Variants in OPCML observed in about 807,000 individuals in gnomAD.
OPCML encodes the protein opioid binding protein/cell adhesion molecule like.
OPCML carries 13 observed loss-of-function variants against 37.8 expected under a neutral mutation model. That is an observed-to-expected ratio of 0.34 (90% CI 0.22 to 0.55). The LOEUF is 0.55. OPCML is among the 20% of genes least tolerant of loss of function. OPCML has a pLI of 0.91. For missense variants in OPCML, 341 were observed against 435.6 expected (o/e 0.78, Z 1.93); for synonymous variants, 176 against 168.8 (o/e 1.04, Z -0.33).
intron 1 of OPCML, among the ~76,000 whole-genome samples, chr11:133,138,125 T>A (rs761555861): frequency 9.2e-5 from 14 of 152,204 alleles, no homozygotes; most frequent in African/African-American, 1.7e-4. Flanking sequence ...GTTCTCACTC[T>A]CATGGGACTG....
chr11:132,697,758 C>G (rs1253289076), intron 2 of OPCML, among the ~76,000 whole-genome samples: 1 of 151,836 alleles, frequency 6.6e-6, no homozygotes, highest in African/African-American at 2.4e-5. Flanking sequence ...CTTCACAATA[C>G]TGATTTCATT....
intron 1 of OPCML, among the ~76,000 whole-genome samples, chr11:133,375,937 T>G (rs971883941): frequency 2.0e-5 from 3 of 152,164 alleles, no homozygotes; most frequent in African/African-American, 7.2e-5. Context: ...GTATCTTAAT[T>G]CAAAGTTTGA....
chr11:133,479,528 C>T (rs1230103758), intron 1 of OPCML, among the ~76,000 whole-genome samples: 4 of 152,214 alleles, frequency 2.6e-5, no homozygotes, highest in African/African-American at 7.2e-5. Flanking sequence ...CAAGAGCCCT[C>T]GCAGAACAGA....
intron 1 of OPCML, among the ~76,000 whole-genome samples, chr11:133,381,105 C>T (rs745654049): frequency 5.3e-5 from 8 of 152,188 alleles, no homozygotes; most frequent in African/African-American, 9.7e-5. Flanking sequence ...TGACAGGCTC[C>T]GCATGAAGAG....
At chr11:133,458,187 TAC>T (rs1464919338) in intron 1 of OPCML, among the ~76,000 whole-genome samples, 1 of 140,708 alleles carries the variant, frequency 7.1e-6, no homozygotes, top group Non-Finnish European at 1.5e-5. Context: ...TGTGTATATA[TAC>T]ACATATATAC....
At chr11:132,692,232 G>GA (rs5795797) in intron 2 of OPCML, among the ~76,000 whole-genome samples, 3,425 of 148,112 alleles carry the variant, frequency 0.023, 82 homozygotes, top group South Asian at 0.058. Context: ...GATGCTACAG[G>GA]AAAAAAAAAA....
intron 1 of OPCML, among the ~76,000 whole-genome samples, chr11:133,083,134 G>A (rs1948763883): frequency 1.4e-5 from 2 of 147,924 alleles, no homozygotes; most frequent in African/African-American, 2.5e-5. Context: ...CACACACCAC[G>A]CACACACACG....
chr11:132,503,828 T>C (rs556053548), intron 4 of OPCML, among the ~76,000 whole-genome samples: 30 of 152,268 alleles, frequency 2.0e-4, no homozygotes, highest in African/African-American at 7.2e-4. Flanking sequence ...AAAATCATCT[T>C]TATTTAAAAT....
intron 4 of OPCML, among the ~76,000 whole-genome samples, chr11:132,474,858 A>G (rs2096149949): frequency 6.6e-6 from 1 of 152,180 alleles, no homozygotes; most frequent in Non-Finnish European, 1.5e-5. Flanking sequence ...ACGCCTAGTC[A>G]TACCTGGCAC....
rs534375126 is a variant in OPCML, at chr11:133,206,172, A to G, written c.62-263162T>C. On this transcript the variant is annotated intron_variant, in intron 1 of 7. Coordinates refer to ENST00000524381, the MANE Select transcript of OPCML (RefSeq NM_001012393.5). The surrounding 1 kb of genome is among the most constrained non-coding windows in gnomAD (Gnocchi z 4.7). ...CAAGGTTTCAAAAAGACAATGCACA[A>G]AAAACTGCTTCCCATGGTGCCTAAA... is the stretch of plus-strand genomic sequence containing the variant. Among the ~76,000 whole-genome samples, 1 of 152,334 alleles carries G rather than the reference A, an allele frequency of 6.6e-6. No individual in the cohort carries two copies. The highest frequency in any genetic ancestry group is 2.4e-5 in the African/African-American group (1 of 41,582).
intron 1 of OPCML, among the ~76,000 whole-genome samples, chr11:133,529,258 C>T (rs1338510890): frequency 6.6e-6 from 1 of 152,236 alleles, no homozygotes; most frequent in African/African-American, 2.4e-5. Context: ...CACATTTTAA[C>T]CTGCCTCTCT....
chr11:132,873,347 G>A (rs771508427), intron 2 of OPCML, among the ~76,000 whole-genome samples: 3 of 152,166 alleles, frequency 2.0e-5, no homozygotes, highest in Non-Finnish European at 4.4e-5. Context: ...TAGGTGATAC[G>A]CTTTCCTTCA....
chr11:132,879,215 G>T (rs897936668), intron 2 of OPCML, among the ~76,000 whole-genome samples: 21 of 152,242 alleles, frequency 1.4e-4, no homozygotes, highest in Admixed American at 1.4e-3. Context: ...CTATATGGCA[G>T]CCATTCTAGG....
At chr11:133,168,417 A>C (rs1950243580) in intron 1 of OPCML, among the ~76,000 whole-genome samples, 1 of 152,228 alleles carries the variant, frequency 6.6e-6, no homozygotes, top group Non-Finnish European at 1.5e-5. Flanking sequence ...CTAGATGGTC[A>C]GAAAGAGCCA....
intron 1 of OPCML, among the ~76,000 whole-genome samples, chr11:132,972,100 T>C (rs750755688): frequency 6.6e-6 from 1 of 152,078 alleles, no homozygotes; most frequent in Non-Finnish European, 1.5e-5. Flanking sequence ...CAGGCAGACA[T>C]AGAGTGGCTT....
chr11:133,200,691 G>T (rs1000693072), intron 1 of OPCML, among the ~76,000 whole-genome samples: 1 of 152,026 alleles, frequency 6.6e-6, no homozygotes, highest in Admixed American at 6.6e-5. Context: ...TTTTTTCCAC[G>T]TAACAATATG....
intron 2 of OPCML, among the ~76,000 whole-genome samples, chr11:132,696,988 A>G (rs913110116): frequency 3.3e-5 from 5 of 152,258 alleles, no homozygotes; most frequent in African/African-American, 1.2e-4. Flanking sequence ...CTTCTAAACA[A>G]AAATAAATAT....
intron 2 of OPCML, among the ~76,000 whole-genome samples, chr11:132,698,006 A>G: frequency 6.9e-6 from 1 of 145,330 alleles, no homozygotes; most frequent in South Asian, 2.2e-4. Flanking sequence ...TTATTTATTT[A>G]TTTATTTATT....
chr11:133,477,724 CAAGA>C (rs971998753), intron 1 of OPCML, among the ~76,000 whole-genome samples: 72 of 152,266 alleles, frequency 4.7e-4, no homozygotes, highest in African/African-American at 1.6e-3. Flanking sequence ...GAAGATCCTT[CAAGA>C]GAGAGGAAGG....
Sources: gnomAD v4.1 joint callset for allele counts (sites outside exome capture counted in the v4.1 genomes callset) on GRCh38, gnomAD v4.1.1 for gene constraint, Gnocchi (gnomAD v3.1) non-coding constraint, MANE v1.5 for transcripts, NCBI Gene and HGNC (gene_info 2026-07-23, HGNC 2026-07-21) for gene names.